The following PAK1 variants were observed in gnomAD, a reference collection of about 807,000 sequenced individuals.
PAK1 encodes p21 (RAC1) activated kinase 1.
PAK1 carries 29 observed loss-of-function variants against 67.4 expected under a neutral mutation model. The ratio of observed to expected loss-of-function variants is 0.43; its 90% CI spans 0.32 to 0.59. PAK1 has a LOEUF of 0.59. Ranked by LOEUF, PAK1 falls within the 20% of genes least tolerant of loss-of-function variation. The pLI is 0.07. For missense variants in PAK1, 337 were observed against 670.7 expected (o/e 0.50, Z 5.50); for synonymous variants, 223 against 237.4 (o/e 0.94, Z 0.56).
intron 8 of PAK1, among the ~76,000 whole-genome samples, chr11:77,350,727 T>C (rs914530658): frequency 2.0e-5 from 3 of 152,190 alleles, no homozygotes; most frequent in African/African-American, 7.2e-5. Context: ...ACCAGCTCCC[T>C]AATCATCACT....
At chr11:77,369,991 T>C (rs959188788) in intron 5 of PAK1, among the ~76,000 whole-genome samples, 8 of 152,192 alleles carry the variant, frequency 5.3e-5, no homozygotes, top group Non-Finnish European at 1.2e-4. Flanking sequence ...TCATTCATAT[T>C]TATAAGTGAA....
At chr11:77,451,956 A>G (rs889643357) in intron 1 of PAK1, among the ~76,000 whole-genome samples, 1 of 152,176 alleles carries the variant, frequency 6.6e-6, no homozygotes, top group Non-Finnish European at 1.5e-5. Context: ...CAATGGGAAA[A>G]ATATTTCTTT....
At chr11:77,496,256 A>C in the PAK1 span, among the ~76,000 whole-genome samples, 1,877 of 152,028 alleles carry the variant, frequency 0.012, 34 homozygotes, top group African/African-American at 0.043. Flanking sequence ...TGACTTCATG[A>C]TCCACCCGCC....
At chr11:77,325,872 T>A (rs1012163608) in intron 14 of PAK1, among the ~76,000 whole-genome samples, 20 of 152,224 alleles carry the variant, frequency 1.3e-4, no homozygotes, top group Non-Finnish European at 1.5e-5. Flanking sequence ...AGTAATTTCA[T>A]TCAATTCAAT....
At chr11:77,493,458 T>G in the PAK1 span, among the ~76,000 whole-genome samples, 33 of 138,794 alleles carry the variant, frequency 2.4e-4, no homozygotes, top group African/African-American at 8.8e-4. Context: ...TTTTTTTTTT[T>G]TTTTTTTTTT....
intron 1 of PAK1, among the ~76,000 whole-genome samples, chr11:77,432,717 T>A (rs1846345841): frequency 6.6e-6 from 1 of 151,304 alleles, no homozygotes; most frequent in Non-Finnish European, 1.5e-5. Context: ...TAGAAAATTC[T>A]AAGGAATCAA....
chr11:77,398,612 C>T lies in PAK1; in HGVS notation c.-21-6071G>A, dbSNP rs568442194. ...ATAGACACTGTGATTGCTTCCAAAT[C>T]TCAGCTATCTTGAACAGTGCTGCAA... On this transcript the variant is annotated intron_variant, in intron 1 of 14. Coordinates refer to ENST00000356341, the MANE Select transcript of PAK1 (RefSeq NM_002576.5). Among the ~76,000 whole-genome samples, 8 of 152,330 alleles carry T rather than the reference C, an allele frequency of 5.3e-5. No homozygotes were observed. The East Asian group carries it at 1.5e-3, about 29-fold the overall frequency.
At chr11:77,427,634 TGAGGGTCTACTA>T (rs1955619667) in intron 1 of PAK1, among the ~76,000 whole-genome samples, 1 of 152,162 alleles carries the variant, frequency 6.6e-6, no homozygotes, top group Non-Finnish European at 1.5e-5. Flanking sequence ...CAGCATTCCC[TGAGGGTCTACTA>T]GATGCAATGC....
intron 1 of PAK1, among the ~76,000 whole-genome samples, chr11:77,436,044 C>T (rs1360370262): frequency 6.6e-6 from 1 of 152,156 alleles, no homozygotes; most frequent in African/African-American, 2.4e-5. Flanking sequence ...AGTAGCTACT[C>T]CAACTGCCTT....
upstream of PAK1, among the ~76,000 whole-genome samples, chr11:77,479,468 G>A (rs1958094545): frequency 6.6e-6 from 1 of 152,116 alleles, no homozygotes; most frequent in African/African-American, 2.4e-5. Context: ...GGGAGAAGAA[G>A]AGGAAAGGAA....
chr11:77,336,177 T>C lies in PAK1; in HGVS notation c.1322A>G (p.Tyr441Cys). 1.2e-6 allele frequency: 2 copies of C among 1,613,896 alleles called. No homozygotes were observed. The highest frequency in any genetic ancestry group is 2.2e-5 in the East Asian group (1 of 44,886). ...MAPEVVTRKAYGPKVDIWSLG... is the reference protein window; with the variant it reads ...MAPEVVTRKACGPKVDIWSLG... ...GGACCAGATGTCAACCTTGGGCCCA[T>C]AGGCCTTTCGTGTCACAACCTCTGG... Residue 441 changes from tyrosine (Y) to cysteine (C), a missense_variant, in exon 13 of 15, where the codon TAT becomes TGT. Tyr to Cys is a radical substitution (Grantham distance 194). Around this residue, in one of 8 missense-constraint regions of PAK1, gnomAD observed 71 missense variants for 160.5 expected, o/e 0.44. Coordinates refer to ENST00000356341, the MANE Select transcript of PAK1 (RefSeq NM_002576.5).
the PAK1 span, among the ~76,000 whole-genome samples, chr11:77,522,318 C>T: frequency 2.0e-5 from 3 of 152,194 alleles, no homozygotes; most frequent in Non-Finnish European, 2.9e-5. Flanking sequence ...GGTTAGGAAT[C>T]CTGCATGGGG....
chr11:77,448,085 C>A (rs757604620), intron 1 of PAK1, among the ~76,000 whole-genome samples: 5 of 152,182 alleles, frequency 3.3e-5, no homozygotes, highest in Non-Finnish European at 7.3e-5. Context: ...ACAACTCAAG[C>A]TTTGGAATCA....
At chr11:77,425,270 GC>G (rs997940713) in intron 1 of PAK1, among the ~76,000 whole-genome samples, 2 of 142,760 alleles carry the variant, frequency 1.4e-5, no homozygotes, top group Non-Finnish European at 3.0e-5. Context: ...ACAGGCTTTT[GC>G]TTTTTTTTTT....
chr11:77,439,968 T>C (rs1222912649), intron 1 of PAK1, among the ~76,000 whole-genome samples: 1 of 152,160 alleles, frequency 6.6e-6, no homozygotes, highest in Non-Finnish European at 1.5e-5. Flanking sequence ...TATGGATATT[T>C]AATCCAGCCC....
chr11:77,444,202 G>A (rs922426687), intron 1 of PAK1, among the ~76,000 whole-genome samples: 4 of 151,268 alleles, frequency 2.6e-5, no homozygotes, highest in Non-Finnish European at 5.9e-5. Context: ...TGGCCAAAAG[G>A]TCACAGCAAG....
chr11:77,473,956 G>A lies in PAK1; in HGVS notation c.-426C>T, dbSNP rs1251288253. The A allele has an allele frequency of 1.3e-5, 2 of 151,822 alleles. No individual in the cohort carries two copies. The highest frequency in any genetic ancestry group is 4.9e-5 in the African/African-American group (2 of 41,112). The allele number at this position is 151,822 out of a possible 1,614,324, so 9.4% of individuals were successfully genotyped here. On this transcript the variant is annotated 5_prime_UTR_variant, in exon 1 of 15. Coordinates refer to ENST00000356341, the MANE Select transcript of PAK1 (RefSeq NM_002576.5). ...GGGGGAGGACTGCAGAGCCTGTGAG[G>A]GAAGCGCGATGGGCGAGCGAGGGGG...
chr11:77,489,717 C>T, the PAK1 span, among the ~76,000 whole-genome samples: 7 of 151,284 alleles, frequency 4.6e-5, no homozygotes, highest in Non-Finnish European at 7.4e-5. Flanking sequence ...TCCCGAGGTG[C>T]CGGGATTGCA....
intron 1 of PAK1, among the ~76,000 whole-genome samples, chr11:77,435,494 CTTTTT>C (rs199613170): frequency 7.1e-6 from 1 of 141,286 alleles, no homozygotes. Context: ...CATATTTTCT[CTTTTT>C]TTTTTTTTTT....
Sources: allele counts gnomAD v4.1 joint callset (sites outside exome capture counted in the v4.1 genomes callset), GRCh38; gene constraint gnomAD v4.1.1; regional missense constraint gnomAD v4.1.1; transcripts MANE v1.5; gene names NCBI Gene and HGNC (gene_info 2026-07-23, HGNC 2026-07-21).